The following WWOX variants were observed in gnomAD, a reference collection of about 807,000 sequenced individuals.
WWOX encodes WW domain-containing oxidoreductase.
A neutral mutation model predicts 46.2 loss-of-function variants in WWOX; 69 were observed. That is an observed-to-expected ratio of 1.49 (90% CI 1.23 to 1.82). The LOEUF is 1.82. WWOX is among the 40% of genes most tolerant of loss of function. The probability of loss-of-function intolerance (pLI) is 0.00; values close to 1 mark genes in which losing one functional copy is unlikely to be tolerated. For synonymous variants in WWOX, 359 were observed against 202.6 expected, an observed-to-expected ratio of 1.77 and a Z score of -6.56; for missense variants, 919 against 542.6, an observed-to-expected ratio of 1.69 and a Z score of -6.89.
intron 8 of WWOX, among the ~76,000 whole-genome samples, chr16:78,961,307 A>G (rs8057599): frequency 1 from 151,743 of 152,356 alleles, 75,574 homozygotes; most frequent in South Asian, 1. Context: ...ATAATTGAAC[A>G]TGCCTAAATT....
At chr16:78,715,054 G>C (rs1377053886) in intron 8 of WWOX, among the ~76,000 whole-genome samples, 2 of 152,140 alleles carry the variant, frequency 1.3e-5, no homozygotes, top group African/African-American at 4.8e-5. Flanking sequence ...CTCCAGGTGG[G>C]ATGATTGCTT....
chr16:78,152,581 C>A (rs2034455827), intron 4 of WWOX, among the ~76,000 whole-genome samples: 1 of 152,180 alleles, frequency 6.6e-6, no homozygotes, highest in Non-Finnish European at 1.5e-5. Context: ...TGTAGTTACC[C>A]TTGTAGAATC....
intron 8 of WWOX, among the ~76,000 whole-genome samples, chr16:78,610,312 C>T (rs529075316): frequency 1.3e-5 from 2 of 152,158 alleles, no homozygotes; most frequent in East Asian, 3.9e-4. Context: ...TCCACAAAAC[C>T]TATCCATAGA....
chr16:78,666,108 G>C (rs2047327043), intron 8 of WWOX, among the ~76,000 whole-genome samples: 1 of 151,990 alleles, frequency 6.6e-6, no homozygotes, highest in Non-Finnish European at 1.5e-5. Context: ...AACATAGTGA[G>C]AGCCCCATGT....
intron 8 of WWOX, among the ~76,000 whole-genome samples, chr16:79,079,921 C>T (rs1397560394): frequency 6.7e-6 from 1 of 149,718 alleles, no homozygotes; most frequent in South Asian, 2.1e-4. Context: ...GAAAGATCCT[C>T]AAGCTGTTCC....
At chr16:78,143,843 G>T (rs1241346812) in intron 4 of WWOX, among the ~76,000 whole-genome samples, 1 of 148,080 alleles carries the variant, frequency 6.8e-6, no homozygotes, top group Non-Finnish European at 1.5e-5. Context: ...TTGCCAGGAA[G>T]CTCAGAACTT....
intron 4 of WWOX, among the ~76,000 whole-genome samples, chr16:78,147,675 C>CTTTT (rs33931881): frequency 2.2e-5 from 2 of 90,634 alleles, no homozygotes; most frequent in African/African-American, 9.2e-5. Flanking sequence ...TTCTTTCTTC[C>CTTTT]TTTTTTTTTT....
chr16:78,670,772 A>C (rs115758191), intron 8 of WWOX, among the ~76,000 whole-genome samples: 6 of 152,056 alleles, frequency 3.9e-5, no homozygotes, highest in Admixed American at 1.3e-4. Context: ...TTGACCTCCT[A>C]AAGTGCTGGG....
At chr16:78,903,923 A>G (rs1158599534) in intron 8 of WWOX, among the ~76,000 whole-genome samples, 2 of 152,246 alleles carry the variant, frequency 1.3e-5, no homozygotes, top group Non-Finnish European at 2.9e-5. Context: ...TACAGAGTGG[A>G]TAAGTCATTT....
At chr16:78,524,188 A>G (rs141265820) in intron 8 of WWOX, among the ~76,000 whole-genome samples, 188 of 152,270 alleles carry the variant, frequency 1.2e-3, no homozygotes, top group African/African-American at 4.4e-3. Flanking sequence ...TATAAAGTAA[A>G]CATTTTTATT....
chr16:78,650,812 A>C (rs1037553352), intron 8 of WWOX, among the ~76,000 whole-genome samples: 1 of 152,130 alleles, frequency 6.6e-6, no homozygotes, highest in East Asian at 1.9e-4. Flanking sequence ...CAAAGGTTCC[A>C]CTGTGGATTT....
At chr16:79,194,286 T>C (rs1179783840) in intron 8 of WWOX, among the ~76,000 whole-genome samples, 1 of 152,174 alleles carries the variant, frequency 6.6e-6, no homozygotes, top group African/African-American at 2.4e-5. Flanking sequence ...TCCTTTGGCC[T>C]TCAAAGGAAA....
At chr16:78,629,626 C>G (rs1304593043) in intron 8 of WWOX, among the ~76,000 whole-genome samples, 1 of 152,212 alleles carries the variant, frequency 6.6e-6, no homozygotes, top group Non-Finnish European at 1.5e-5. Context: ...CCCCAGAAAC[C>G]TGCTACCTAC....
intron 8 of WWOX, among the ~76,000 whole-genome samples, chr16:78,440,272 C>A (rs1241773024): frequency 2.0e-5 from 3 of 152,172 alleles, no homozygotes; most frequent in Non-Finnish European, 4.4e-5. Context: ...CCCCGGTCCC[C>A]ATCCACTTGA....
At chr16:79,130,641 G>A (rs1307849546) in intron 8 of WWOX, among the ~76,000 whole-genome samples, 2 of 152,188 alleles carry the variant, frequency 1.3e-5, no homozygotes, top group Non-Finnish European at 2.9e-5. Flanking sequence ...GATCACTTAG[G>A]AAGCCAAGAA....
chr16:78,894,175 G>A (rs1224120563), intron 8 of WWOX, among the ~76,000 whole-genome samples: 1 of 151,968 alleles, frequency 6.6e-6, no homozygotes, highest in Non-Finnish European at 1.5e-5. Context: ...AATAGCTGGA[G>A]CTACAGGCAA....
intron 8 of WWOX, among the ~76,000 whole-genome samples, chr16:78,885,495 A>C (rs532422313): frequency 6.6e-6 from 1 of 152,304 alleles, no homozygotes; most frequent in African/African-American, 2.4e-5. Flanking sequence ...AAAAGCAGCA[A>C]AATAGTTCTT....
rs779872977 is a variant in WWOX at position 79,211,710 on chromosome 16, G to A, written c.1159G>A (p.Glu387Lys). ...NNCCRCMPSP[E>K]AQSEETARTL... is the part of the protein sequence containing the mutation. ...CTGCTGCCGCTGCATGCCCTCACCA[G>A]AAGCTCAGAGCGAAGAGACGGCCCG... The change falls in exon 9 of 9, where the codon GAA becomes AAA. Residue 387 changes from glutamate to lysine, a missense_variant. Glu to Lys is a moderately conservative substitution (Grantham distance 56). Coordinates refer to ENST00000566780, the MANE Select transcript of WWOX (RefSeq NM_016373.4). The A allele has an allele frequency of 1.1e-5, 18 of 1,614,126 alleles. No individual in the cohort carries two copies. Among genetic ancestry groups the A allele is most frequent in the African/African-American group, 1.3e-5 (1 of 74,954 alleles).
chr16:78,787,809 C>A (rs899630887), intron 8 of WWOX, among the ~76,000 whole-genome samples: 1 of 152,154 alleles, frequency 6.6e-6, no homozygotes, highest in Non-Finnish European at 1.5e-5. Flanking sequence ...TCCAATTTCT[C>A]CACATCCTTG....
Sources: allele counts gnomAD v4.1 joint callset (sites outside exome capture counted in the v4.1 genomes callset), GRCh38; gene constraint gnomAD v4.1.1; transcripts MANE v1.5; gene names NCBI Gene and HGNC (gene_info 2026-07-23, HGNC 2026-07-21).